CCDC144A: variants seen among roughly 807,000 people sequenced by gnomAD.
CCDC144A encodes coiled-coil domain containing 144A, also known as coiled-coil domain-containing protein 144A.
CCDC144A carries 41 observed loss-of-function variants against 143.8 expected under a neutral mutation model. That is an observed-to-expected ratio of 0.29 (90% CI 0.22 to 0.37). The LOEUF is 0.37. Ranked by LOEUF, CCDC144A falls within the 10% of genes least tolerant of loss-of-function variation. The pLI is 1.00. For synonymous variants in CCDC144A, 242 were observed against 517.9 expected (o/e 0.47, Z 7.23); for missense variants, 637 against 1,488.8 (o/e 0.43, Z 9.41).
chr17:16,743,661 G>A (rs1217894157), intron 12 of CCDC144A, among the ~76,000 whole-genome samples: 1 of 152,066 alleles, frequency 6.6e-6, no homozygotes, highest in Non-Finnish European at 1.5e-5. Context: ...AGTTATAAAG[G>A]GCATTTTATT....
the CCDC144A span, chr17:16,667,034 T>TG: frequency 6.5e-6 from 1 of 153,508 alleles, no homozygotes; most frequent in Non-Finnish European, 1.4e-5. Flanking sequence ...GGACACCGCC[T>TG]GCCATCCCGC....
At chr17:16,769,374 G>A (rs1915735316) in intron 15 of CCDC144A, among the ~76,000 whole-genome samples, 1 of 152,246 alleles carries the variant, frequency 6.6e-6, no homozygotes, top group Admixed American at 6.5e-5. Flanking sequence ...TTTATGGCTG[G>A]ATTTAAGTGA....
At chr17:16,684,611 G>A (rs1345460940), upstream of CCDC144A, among the ~76,000 whole-genome samples, 1 of 150,778 alleles carries the variant, frequency 6.6e-6, no homozygotes, top group Non-Finnish European at 1.5e-5. Flanking sequence ...CTGAGATCAC[G>A]CCAGTGCACT....
the CCDC144A span, among the ~76,000 whole-genome samples, chr17:16,674,135 T>C: frequency 1.3e-5 from 2 of 152,194 alleles, no homozygotes; most frequent in East Asian, 3.9e-4. Context: ...ACCTTTTGGC[T>C]GGGCATGGTG....
In CCDC144A at chr17:16,734,931, A is replaced by C; in HGVS notation, c.2660A>C (p.Asn887Thr). Residue 887 changes from asparagine (N) to threonine (T), a missense_variant, in exon 12 of 17, where the codon AAT becomes ACT. Transcript: ENST00000399273. ...CTCCAGTACAGTGGACAGCTGAACA[A>C]TCTGACAGCTGAGAACAAAATACTC... is the stretch of plus-strand genomic sequence containing the variant. ...TILQYSGQLN[N>T]LTAENKILNS... 6.3e-7 allele frequency: 1 copy of C among 1,589,962 alleles called. No individual in the cohort carries two copies.
At chr17:16,676,384 G>T in the CCDC144A span, among the ~76,000 whole-genome samples, 2 of 151,764 alleles carry the variant, frequency 1.3e-5, no homozygotes, top group African/African-American at 2.4e-5. Flanking sequence ...GGTGGCAGGC[G>T]CCTGTAGTCC....
At chr17:16,766,759 T>A (rs1486462465) in intron 15 of CCDC144A, among the ~76,000 whole-genome samples, 2 of 151,796 alleles carry the variant, frequency 1.3e-5, no homozygotes, top group Non-Finnish European at 1.5e-5. Context: ...GGAAAAAAAA[T>A]AAATAAAATA....
At chr17:16,728,326 C>T (rs1176231340) in intron 9 of CCDC144A, among the ~76,000 whole-genome samples, 1 of 152,166 alleles carries the variant, frequency 6.6e-6, no homozygotes, top group Non-Finnish European at 1.5e-5. Context: ...AGACATGAGC[C>T]GTCATGCCCA....
the CCDC144A span, among the ~76,000 whole-genome samples, chr17:16,671,810 C>A: frequency 3.3e-5 from 5 of 152,044 alleles, no homozygotes; most frequent in African/African-American, 1.2e-4. Context: ...TTTCACAATT[C>A]TGAGACAGGC....
At chr17:16,769,434 G>C (rs529676106) in intron 15 of CCDC144A, among the ~76,000 whole-genome samples, 86 of 152,260 alleles carry the variant, frequency 5.6e-4, no homozygotes, top group Non-Finnish European at 1.1e-3. Context: ...ATGATGAGAA[G>C]TTGGACAGGC....
chr17:16,738,153 A>G (rs1260995232), intron 12 of CCDC144A, among the ~76,000 whole-genome samples: 2 of 151,584 alleles, frequency 1.3e-5, no homozygotes, highest in Non-Finnish European at 2.9e-5. Context: ...GAAAGGCCAT[A>G]GTACTGTTCT....
chr17:16,704,274 G>A (rs1380258448), intron 2 of CCDC144A, among the ~76,000 whole-genome samples: 3 of 152,082 alleles, frequency 2.0e-5, no homozygotes, highest in Non-Finnish European at 2.9e-5. Flanking sequence ...CTAACGCGGT[G>A]AAACCCCGTC....
chr17:16,694,038 T>C (rs1050480447), intron 2 of CCDC144A, among the ~76,000 whole-genome samples: 1 of 148,146 alleles, frequency 6.8e-6, no homozygotes, highest in Non-Finnish European at 1.5e-5. Flanking sequence ...TGGATCATTA[T>C]ATAACTCTTC....
chr17:16,741,452 G>C (rs1914252433), intron 12 of CCDC144A, among the ~76,000 whole-genome samples: 3 of 152,220 alleles, frequency 2.0e-5, no homozygotes, highest in South Asian at 4.1e-4. Context: ...CAGCATGGGG[G>C]CTGGGGTCCA....
chr17:16,678,630 G>T, the CCDC144A span, among the ~76,000 whole-genome samples: 1 of 148,300 alleles, frequency 6.7e-6, no homozygotes, highest in African/African-American at 2.5e-5. Context: ...GCCCAGGTTG[G>T]AGTGCAGTGG....
chr17:16,734,084 G>A (rs1411149499), intron 11 of CCDC144A, among the ~76,000 whole-genome samples: 2 of 150,536 alleles, frequency 1.3e-5, no homozygotes, highest in African/African-American at 2.5e-5. Context: ...AGGCTACAGT[G>A]AGTCTTGATT....
At chr17:16,759,127 C>T (rs1483247940) in intron 12 of CCDC144A, among the ~76,000 whole-genome samples, 3 of 152,086 alleles carry the variant, frequency 2.0e-5, no homozygotes, top group Non-Finnish European at 4.4e-5. Context: ...TCTCAGAGGC[C>T]ATTTATCTCA....
At chr17:16,703,359 C>G (rs894720391) in intron 2 of CCDC144A, among the ~76,000 whole-genome samples, 2 of 151,620 alleles carry the variant, frequency 1.3e-5, no homozygotes, top group African/African-American at 4.8e-5. Flanking sequence ...CTCTGGTTTT[C>G]TATCAAATGA....
At chr17:16,674,348 AG>A in the CCDC144A span, among the ~76,000 whole-genome samples, 1 of 152,160 alleles carries the variant, frequency 6.6e-6, no homozygotes, top group Non-Finnish European at 1.5e-5. Context: ...GGAAAAGTTG[AG>A]GCTGCAGAAG....
Sources: gnomAD v4.1 joint callset for allele counts (sites outside exome capture counted in the v4.1 genomes callset) on GRCh38, gnomAD v4.1.1 for gene constraint, MANE v1.5 for transcripts, NCBI Gene and HGNC (gene_info 2026-07-23, HGNC 2026-07-21) for gene names.